The following CSF1R variants were observed in gnomAD, a reference collection of about 807,000 sequenced individuals.
CSF1R encodes colony stimulating factor 1 receptor.
In CSF1R, 40 loss-of-function variants were observed where a neutral mutation model predicts 110.0. That is an observed-to-expected ratio of 0.36 (90% CI 0.28 to 0.47). The LOEUF (loss-of-function observed/expected upper bound fraction) is 0.47. CSF1R is among the 20% of genes least tolerant of loss of function. The pLI is 0.99. For missense variants in CSF1R, 1,052 were observed against 1,253.0 expected (o/e 0.84, Z 2.42); for synonymous variants, 523 against 503.4 (o/e 1.04, Z -0.52).
Position 150,054,402 on chromosome 5 carries a change from A to G in CSF1R, c.2683T>C (p.Leu895=). 6.2e-7 allele frequency: 1 copy of G among 1,613,578 alleles called. No homozygotes were observed. Among genetic ancestry groups the G allele is most frequent in the Non-Finnish European group, 8.5e-7 (1 of 1,179,774 alleles). The change falls in exon 20 of 21, where the codon TTG becomes CTG. Residue 895 remains leucine (L), a synonymous_variant. Coordinates refer to ENST00000675795, the MANE Select transcript of CSF1R (RefSeq NM_001288705.3). ...AAGGTGGGTCTGTGGGTGGGCTCCAAGGCCCAGCAGGCCTGCATGATGCTG... is the reference window on the plus strand; with the variant it reads ...AAGGTGGGTCTGTGGGTGGGCTCCAGGGCCCAGCAGGCCTGCATGATGCTG... ...IYSIMQACWA[L]EPTHRPTFQQ...
chr5:150,103,645 T>C (rs1561965461), intron 1 of CSF1R, among the ~76,000 whole-genome samples: 1 of 152,202 alleles, frequency 6.6e-6, no homozygotes, highest in Non-Finnish European at 1.5e-5. Flanking sequence ...ATGGAGAGTC[T>C]GTGAGGCCTT....
At chr5:150,082,460 G>C (rs1758595462) in intron 1 of CSF1R, among the ~76,000 whole-genome samples, 1 of 152,266 alleles carries the variant, frequency 6.6e-6, no homozygotes, top group Non-Finnish European at 1.5e-5. Context: ...TGAGTGAATT[G>C]TGAATACTGC....
intron 2 of CSF1R, 109 bp from the exon 3 acceptor site, chr5:150,080,445 G>C: frequency 3.6e-6 from 5 of 1,384,760 alleles, no homozygotes; most frequent in Non-Finnish European, 4.9e-6. Context: ...TTCATCTGAG[G>C]TCACACCACG....
At chr5:150,097,371 G>C (rs777195592) in intron 1 of CSF1R, among the ~76,000 whole-genome samples, 3 of 146,904 alleles carry the variant, frequency 2.0e-5, no homozygotes, top group Admixed American at 6.9e-5. Flanking sequence ...GAGAGAAAGA[G>C]AAGGAAAGAA....
chr5:150,063,135 A>C lies in CSF1R; in HGVS notation c.1627-1286T>G, dbSNP rs183590212. Among the ~76,000 whole-genome samples the C allele has an allele frequency of 5.3e-5, 8 of 151,964 alleles. No homozygotes were observed. The East Asian group carries it at 1.6e-3, about 29-fold the overall frequency. On this transcript the variant is annotated intron_variant, in intron 10 of 20. Coordinates refer to ENST00000675795, the MANE Select transcript of CSF1R (RefSeq NM_001288705.3). ...GAGGTTCAAGCAATCCTCCCACCTCAGTCTCCCAAGCAGCCGGGACTACAA... is the reference window on the plus strand; with the variant it reads ...GAGGTTCAAGCAATCCTCCCACCTCCGTCTCCCAAGCAGCCGGGACTACAA...
chr5:150,106,435 T>A (rs915006108), intron 1 of CSF1R, among the ~76,000 whole-genome samples: 1 of 152,040 alleles, frequency 6.6e-6, no homozygotes, highest in African/African-American at 2.4e-5. Flanking sequence ...TAACCCCAAC[T>A]GCAGCCCATG....
chr5:150,086,594 T>C (rs1199628365), upstream of CSF1R: 2 of 583,114 alleles, frequency 3.4e-6, no homozygotes, highest in East Asian at 5.7e-5. Context: ...CTGATCCTCT[T>C]CTTCCCCTTT....
rs150065798 is a variant in CSF1R, at chr5:150,102,749, G to A, written c.-181+10512C>T. 2.9e-3 allele frequency among the ~76,000 whole-genome samples: 449 copies of A among 152,260 alleles called. 2 individuals carry two copies. The highest frequency in any genetic ancestry group is 0.01 in the African/African-American group (426 of 41,550). On this transcript the variant is annotated intron_variant, in intron 1 of 21. Coordinates refer to the CSF1R transcript ENST00000286301. Reference sequence around the variant, plus strand: ...CATGCCTTGGTCTCCCAAAGTGCTGGGATTATAGGCATGAGCCACTGCACC... The same window carrying A: ...CATGCCTTGGTCTCCCAAAGTGCTGAGATTATAGGCATGAGCCACTGCACC...
chr5:150,103,955 A>G (rs1403894676), intron 1 of CSF1R, among the ~76,000 whole-genome samples: 3 of 152,176 alleles, frequency 2.0e-5, no homozygotes, highest in Non-Finnish European at 2.9e-5. Flanking sequence ...CAGGGACCCC[A>G]GCCTCAGAAT....
chr5:150,061,622 C>T (rs1421155793), intron 11 of CSF1R, 27 bp from the exon 12 acceptor site: 10 of 1,613,922 alleles, frequency 6.2e-6, no homozygotes, highest in Non-Finnish European at 8.5e-6. Context: ...TCCCTTAAGT[C>T]CCTGGGCACC....
At chr5:150,092,456 A>G (rs1264847690) in intron 1 of CSF1R, among the ~76,000 whole-genome samples, 1 of 152,154 alleles carries the variant, frequency 6.6e-6, no homozygotes, top group African/African-American at 2.4e-5. Flanking sequence ...TACCTACTGT[A>G]TTAGTCTGTT....
intron 1 of CSF1R, among the ~76,000 whole-genome samples, chr5:150,107,720 A>G (rs1759595956): frequency 6.6e-6 from 1 of 152,238 alleles, no homozygotes; most frequent in African/African-American, 2.4e-5. Context: ...GGAGCCAGAT[A>G]GACCAGGAAT....
At chr5:150,079,953 G>A (rs2113830315) in intron 3 of CSF1R, 99 bp downstream of exon 3, 4 of 1,378,354 alleles carry the variant, frequency 2.9e-6, no homozygotes, top group African/African-American at 1.4e-5. Context: ...ACATCCCACT[G>A]CCCCCCATCA....
chr5:150,102,868 C>T (rs887229501), intron 1 of CSF1R, among the ~76,000 whole-genome samples: 1 of 152,190 alleles, frequency 6.6e-6, no homozygotes, highest in Non-Finnish European at 1.5e-5. Context: ...CACTTCTCTG[C>T]TAATGTTCTT....
At chr5:150,104,491 C>G (rs547261287) in intron 1 of CSF1R, among the ~76,000 whole-genome samples, 3 of 152,264 alleles carry the variant, frequency 2.0e-5, no homozygotes, top group Non-Finnish European at 4.4e-5. Flanking sequence ...TGGGCTCAAC[C>G]GCATCCCAGC....
chr5:150,075,173 CT>C (rs1366362070), intron 5 of CSF1R, among the ~76,000 whole-genome samples: 11 of 152,204 alleles, frequency 7.2e-5, no homozygotes, highest in Admixed American at 7.2e-4. Flanking sequence ...AGTCTGTGAG[CT>C]TTTGGGGGCA....
upstream of CSF1R, among the ~76,000 whole-genome samples, chr5:150,088,921 C>T (rs1758949643): frequency 6.6e-6 from 1 of 152,178 alleles, no homozygotes; most frequent in Non-Finnish European, 1.5e-5. Context: ...AGTGGTTTAA[C>T]ACATGAAAAT....
intron 1 of CSF1R, among the ~76,000 whole-genome samples, chr5:150,100,312 TTC>T (rs1554105758): frequency 3.5e-5 from 5 of 144,034 alleles, no homozygotes; most frequent in South Asian, 2.3e-4. Flanking sequence ...TTTTTTTTTT[TTC>T]TGAGACGGAG....
At chr5:150,086,670 A>C, upstream of CSF1R, 1 of 473,810 alleles carries the variant, frequency 2.1e-6, no homozygotes, top group Non-Finnish European at 3.8e-6. Flanking sequence ...AAAGCCTTGA[A>C]CCCAAGAGGG....
Sources: gnomAD v4.1 joint callset for allele counts (sites outside exome capture counted in the v4.1 genomes callset) on GRCh38, gnomAD v4.1.1 for gene constraint, MANE v1.5 for transcripts, NCBI Gene and HGNC (gene_info 2026-07-23, HGNC 2026-07-21) for gene names.